The following LINGO1 variants were observed in gnomAD, a reference collection of about 807,000 sequenced individuals.
LINGO1 encodes the protein leucine rich repeat and Ig domain containing 1, also known as leucine-rich repeat and immunoglobulin-like domain-containing nogo receptor-interacting protein 1.
A neutral mutation model predicts 37.3 loss-of-function variants in LINGO1; 11 were observed. The ratio of observed to expected loss-of-function variants is 0.29; its 90% confidence interval spans 0.19 to 0.49. LINGO1 has a LOEUF of 0.49. Among genes scored for constraint, LINGO1 ranks in the 20% least tolerant of loss-of-function variants. The probability of loss-of-function intolerance (pLI) is 0.99; values close to 1 mark genes in which losing one functional copy is unlikely to be tolerated. For missense variants in LINGO1, 585 were observed against 878.2 expected (o/e 0.67, Z 4.22); for synonymous variants, 387 against 403.0 (o/e 0.96, Z 0.48).
At chr15:77,782,924 C>G (rs2076734704) in intron 1 of LINGO1, among the ~76,000 whole-genome samples, 1 of 152,146 alleles carries the variant, frequency 6.6e-6, no homozygotes, top group Admixed American at 6.5e-5. Flanking sequence ...TGCTCCTCAG[C>G]AGGGCGGCTA....
chr15:77,770,697 C>T (rs2076576767), intron 1 of LINGO1, among the ~76,000 whole-genome samples: 1 of 152,122 alleles, frequency 6.6e-6, no homozygotes, highest in South Asian at 2.1e-4. Context: ...AGCCTAACTC[C>T]AGATCCGGGG....
At position 77,652,530 on chromosome 15, in the gene LINGO1, G is replaced by GTGTGTT. The variant is rs1461851046; in HGVS notation, c.-13+24558_-13+24559insAACACA. Among the ~76,000 whole-genome samples, 343 of 144,868 alleles carry GTGTGTT rather than the reference G, an allele frequency of 2.4e-3. 1 individual carries two copies. The highest frequency in any genetic ancestry group is 8.0e-3 in the African/African-American group (297 of 36,990). ...TGTGTGTGTGTGTGTGTGTGTGTGT[G>GTGTGTT]TTGCCAGAATACGGAAATCACATTT... On this transcript the variant is annotated intron_variant, in intron 3 of 3. Coordinates refer to the LINGO1 transcript ENST00000559893.
intron 3 of LINGO1, among the ~76,000 whole-genome samples, chr15:77,642,887 T>C (rs946146930): frequency 2.0e-4 from 30 of 152,246 alleles, no homozygotes; most frequent in African/African-American, 7.0e-4. Context: ...AGCCTTGGTC[T>C]ATCCCGCTGA....
At chr15:77,683,136 C>T (rs1415830499) in intron 2 of LINGO1, among the ~76,000 whole-genome samples, 2 of 152,224 alleles carry the variant, frequency 1.3e-5, no homozygotes, top group African/African-American at 4.8e-5. Context: ...AAAAGATGCT[C>T]AGCCTCGCTG....
chr15:77,700,742 AG>A (rs1255256381), upstream of LINGO1, among the ~76,000 whole-genome samples: 1 of 152,148 alleles, frequency 6.6e-6, no homozygotes, highest in Non-Finnish European at 1.5e-5. Flanking sequence ...CGGGTAGGGG[AG>A]GGAATCTTCC....
rs539787589 is a variant in LINGO1, at chr15:77,730,580, C to A, written c.-195+4412G>T. 3.9e-5 allele frequency among the ~76,000 whole-genome samples: 6 copies of A among 152,344 alleles called. No individual in the cohort carries two copies. In the South Asian group the frequency reaches 1.2e-3, roughly 32 times the overall value. ...TCTGTCCCTCTATATCCAGACTGGT[C>A]CAGACTCTCTTTCCCTCTAGCTGCA... is the stretch of plus-strand genomic sequence containing the variant. On this transcript the variant is annotated intron_variant, in intron 2 of 3. Transcript: ENST00000561686.
upstream of LINGO1, among the ~76,000 whole-genome samples, chr15:77,634,043 T>C (rs1466619092): frequency 6.6e-6 from 1 of 152,150 alleles, no homozygotes; most frequent in Non-Finnish European, 1.5e-5. Context: ...ATACTCCTAA[T>C]AGCTTGAGTC....
At chr15:77,618,138 T>C (rs576818319) in intron 1 of LINGO1, among the ~76,000 whole-genome samples, 1 of 152,314 alleles carries the variant, frequency 6.6e-6, no homozygotes, top group South Asian at 2.1e-4. Context: ...AATAGGACTT[T>C]TAGCATCCAG....
chr15:77,752,391 C>A (rs886227322), intron 1 of LINGO1, among the ~76,000 whole-genome samples: 1 of 152,190 alleles, frequency 6.6e-6, no homozygotes, highest in Non-Finnish European at 1.5e-5. Flanking sequence ...CATCCAAAGC[C>A]AAACACAGCC....
At chr15:77,760,113 T>C (rs2076460089) in intron 1 of LINGO1, among the ~76,000 whole-genome samples, 1 of 152,242 alleles carries the variant, frequency 6.6e-6, no homozygotes, top group Non-Finnish European at 1.5e-5. Context: ...CATGCCTGTT[T>C]CCCTGCAGCA....
At chr15:77,630,692 C>G (rs1321609996) in intron 1 of LINGO1, among the ~76,000 whole-genome samples, 1 of 152,180 alleles carries the variant, frequency 6.6e-6, no homozygotes, top group Admixed American at 6.5e-5. Flanking sequence ...TTTAACTAAG[C>G]CCTACCCAGG....
chr15:77,628,404 CAAT>C (rs2074156883), intron 1 of LINGO1, among the ~76,000 whole-genome samples: 1 of 152,078 alleles, frequency 6.6e-6, no homozygotes, highest in African/African-American at 2.4e-5. Context: ...TTATTCACAA[CAAT>C]ATAGATGAAG....
At chr15:77,643,146 C>T (rs946061514) in intron 3 of LINGO1, among the ~76,000 whole-genome samples, 5 of 152,236 alleles carry the variant, frequency 3.3e-5, no homozygotes, top group South Asian at 2.1e-4. Flanking sequence ...GTCTGTCACC[C>T]GCTTATCAGG....
At chr15:77,642,726 C>T (rs2074536634) in intron 3 of LINGO1, among the ~76,000 whole-genome samples, 1 of 152,206 alleles carries the variant, frequency 6.6e-6, no homozygotes, top group East Asian at 1.9e-4. Flanking sequence ...ACAGGTTCAT[C>T]TCCGGGTCCG....
chr15:77,787,897 G>A (rs566365874), upstream of LINGO1: 3 of 152,308 alleles, frequency 2.0e-5, no homozygotes, highest in East Asian at 5.8e-4. Flanking sequence ...AGAACCTGCA[G>A]ACTAAATGCA....
intron 1 of LINGO1, among the ~76,000 whole-genome samples, chr15:77,803,645 G>A (rs985034853): frequency 1.3e-5 from 2 of 151,996 alleles, no homozygotes; most frequent in Non-Finnish European, 2.9e-5. Flanking sequence ...TGCTGTCCTC[G>A]TGATAGTTGA....
chr15:77,756,829 C>A (rs978763296), intron 1 of LINGO1, among the ~76,000 whole-genome samples: 2 of 152,208 alleles, frequency 1.3e-5, no homozygotes, highest in African/African-American at 4.8e-5. Flanking sequence ...AATGTCCCCA[C>A]GTATATACAC....
chr15:77,741,204 C>T (rs895700334), intron 1 of LINGO1, among the ~76,000 whole-genome samples: 2 of 152,214 alleles, frequency 1.3e-5, no homozygotes, highest in Non-Finnish European at 2.9e-5. Context: ...GCAAAAAGCC[C>T]CAGAGGTGCC....
At chr15:77,763,160 A>G (rs2076494669) in intron 1 of LINGO1, among the ~76,000 whole-genome samples, 1 of 152,196 alleles carries the variant, frequency 6.6e-6, no homozygotes, top group South Asian at 2.1e-4. Flanking sequence ...CGGCGGGCAC[A>G]ACAGTAATTA....
Sources: allele counts gnomAD v4.1 joint callset (sites outside exome capture counted in the v4.1 genomes callset), GRCh38; gene constraint gnomAD v4.1.1; transcripts MANE v1.5; gene names NCBI Gene and HGNC (gene_info 2026-07-23, HGNC 2026-07-21).